The following RIC1 variants were observed in gnomAD, a reference collection of about 807,000 sequenced individuals.
RIC1 encodes guanine nucleotide exchange factor subunit RIC1.
In RIC1, 88 loss-of-function variants were observed where a neutral mutation model predicts 169.0. The observed-to-expected ratio is 0.52, with a 90% CI of 0.44 to 0.62. RIC1 has a LOEUF of 0.62. Ranked by LOEUF, RIC1 falls within the 20% of genes least tolerant of loss-of-function variation. RIC1 has a pLI of 0.00. For synonymous variants in RIC1, 790 were observed against 601.5 expected (o/e 1.31, Z -4.59); for missense variants, 1,877 against 1,725.5 (o/e 1.09, Z -1.56).
chr9:5,731,229 T>C (rs1459446249), intron 6 of RIC1, among the ~76,000 whole-genome samples: 1 of 152,074 alleles, frequency 6.6e-6, no homozygotes, highest in Non-Finnish European at 1.5e-5. Flanking sequence ...CCTAGAGCAG[T>C]GCCTGGTGAA....
rs1177035627 is a variant in RIC1, at chr9:5,775,736, T to A, written c.*1490T>A. 1 of 152,212 alleles carries A rather than the reference T, an allele frequency of 6.6e-6. No homozygotes were observed. The highest frequency in any genetic ancestry group is 1.5e-5 in the Non-Finnish European group (1 of 68,016). The allele number at this position is 152,212 out of a possible 1,614,324, so 9.4% of individuals were successfully genotyped here. A position where few individuals can be genotyped will look rare whatever the true frequency, so the allele number is the denominator to read the frequency against. On this transcript the variant is annotated 3_prime_UTR_variant, in exon 26 of 26. Transcript: ENST00000414202. ...GCTTAGTTCAGAATACATCGAAGTA[T>A]TTAAAATTACTGAGTTGGGTAATTT...
chr9:5,769,635 A>G, intron 22 of RIC1: 1 of 383,980 alleles, frequency 2.6e-6, no homozygotes, highest in Non-Finnish European at 4.6e-6. Flanking sequence ...CAGTAAGGCC[A>G]CCTTCTAAAC....
intron 17 of RIC1, among the ~76,000 whole-genome samples, chr9:5,758,533 G>C (rs1295791988): frequency 2.6e-5 from 4 of 152,032 alleles, no homozygotes; most frequent in Non-Finnish European, 5.9e-5. Context: ...CTTTGTAGAA[G>C]ACATTGTAAA....
chr9:5,759,422 G>C (rs986450452), intron 17 of RIC1, among the ~76,000 whole-genome samples: 2 of 152,170 alleles, frequency 1.3e-5, no homozygotes, highest in Non-Finnish European at 1.5e-5. Context: ...TCACTAACAT[G>C]GGGGAAGAAG....
At chr9:5,661,102 C>G (rs537793171) in intron 2 of RIC1, among the ~76,000 whole-genome samples, 62 of 152,222 alleles carry the variant, frequency 4.1e-4, no homozygotes, top group Middle Eastern at 3.4e-3. Context: ...AATCCTTTCC[C>G]CATTGCTTGT....
chr9:5,774,610 A>G lies in RIC1; in HGVS notation c.*364A>G, dbSNP rs1827476966. 5.8e-6 allele frequency: 1 copy of G among 171,234 alleles called. No individual in the cohort carries two copies. The highest frequency in any genetic ancestry group is 2.4e-5 in the African/African-American group (1 of 41,986). The allele number at this position is 171,234 out of a possible 1,614,324, so 10.6% of individuals were successfully genotyped here. A position where few individuals can be genotyped will look rare whatever the true frequency, so the allele number is the denominator to read the frequency against. Reference sequence around the variant, plus strand: ...TTCTCACATTTCCCGGTTCTGCATTATGTCCAGATTGCTTTTTAAAAAATA... The same window carrying G: ...TTCTCACATTTCCCGGTTCTGCATTGTGTCCAGATTGCTTTTTAAAAAATA... On this transcript the variant is annotated 3_prime_UTR_variant, in exon 26 of 26. Coordinates refer to ENST00000414202, the MANE Select transcript of RIC1 (RefSeq NM_020829.4).
chr9:5,772,491 C>A, intron 23 of RIC1, 73 bp from the exon 24 acceptor site: 1 of 1,222,528 alleles, frequency 8.2e-7, no homozygotes, highest in Non-Finnish European at 1.1e-6. Context: ...TGAGGAACAG[C>A]TAATATTTAA....
At chr9:5,633,279 C>A (rs911504250) in intron 1 of RIC1, among the ~76,000 whole-genome samples, 5 of 152,132 alleles carry the variant, frequency 3.3e-5, no homozygotes, top group African/African-American at 9.7e-5. Context: ...TTTGTATTTT[C>A]CCAGCATTCC....
At chr9:5,675,209 G>T (rs770296605) in intron 2 of RIC1, among the ~76,000 whole-genome samples, 7 of 152,144 alleles carry the variant, frequency 4.6e-5, no homozygotes, top group African/African-American at 1.7e-4. Context: ...GTGACTGGGC[G>T]AGTGGTTTGG....
In RIC1 at chr9:5,756,268, A is replaced by G. The variant is rs551689623; in HGVS notation, c.1749A>G (p.Lys583=). The G allele has an allele frequency of 3.1e-6, 5 of 1,605,074 alleles. No individual in the cohort carries two copies. Among genetic ancestry groups the G allele is most frequent in the Admixed American group, 3.4e-5 (2 of 59,604 alleles). The change falls in exon 16 of 26, where the codon AAA becomes AAG. Residue 583 remains lysine, a synonymous_variant. Transcript: ENST00000414202. Reference sequence around the variant, plus strand: ...ACAATGCCTTTGCTCATGTCACCAAAGCACAAGCAGAAACATTACTGCTTA... The same window carrying G: ...ACAATGCCTTTGCTCATGTCACCAAGGCACAAGCAGAAACATTACTGCTTA... ...NLDNAFAHVT[K]AQAETLLLSV...
intron 12 of RIC1, among the ~76,000 whole-genome samples, chr9:5,747,715 T>A (rs181302120): frequency 1.9e-3 from 296 of 152,346 alleles, no homozygotes; most frequent in African/African-American, 6.8e-3. Context: ...CCCACCTGTT[T>A]CAAGTCTATT....
At chr9:5,692,897 G>C (rs1018036764) in intron 3 of RIC1, among the ~76,000 whole-genome samples, 9 of 152,028 alleles carry the variant, frequency 5.9e-5, no homozygotes, top group African/African-American at 2.2e-4. Flanking sequence ...CTATGAGGTA[G>C]TTAGGTATAA....
intron 23 of RIC1, among the ~76,000 whole-genome samples, 192 bp downstream of exon 23, chr9:5,770,470 T>A (rs531289385): frequency 6.6e-6 from 1 of 152,230 alleles, no homozygotes; most frequent in Admixed American, 6.5e-5. Flanking sequence ...ATTTATTTTA[T>A]GTGAACAAAA....
Position 5,680,815 on chromosome 9 carries a change from ATTTTTTTTTTT to A in RIC1, c.253-9125_253-9115del, listed in dbSNP as rs66478510. Among the ~76,000 whole-genome samples, 470 of 57,772 alleles carry A rather than the reference ATTTTTTTTTTT, an allele frequency of 8.1e-3. 5 individuals carry two copies. Among genetic ancestry groups the A allele is most frequent in the African/African-American group, 0.024 (421 of 17,422 alleles). 37.9% of individuals were successfully genotyped at this position (57,772 alleles called of 152,430 possible). ...AGAACACCAGCTCCTGCAGTCATTG[ATTTTTTTTTTT>A]TTTTTTTTTTTTTTTTTTGAGACGG... On this transcript the variant is annotated intron_variant, in intron 2 of 25. Coordinates refer to ENST00000414202, the MANE Select transcript of RIC1 (RefSeq NM_020829.4).
chr9:5,632,745 T>G (rs1165954976), intron 1 of RIC1, among the ~76,000 whole-genome samples: 1 of 152,178 alleles, frequency 6.6e-6, no homozygotes, highest in Non-Finnish European at 1.5e-5. Context: ...GATTTATGAT[T>G]GACGTAGGTG....
At chr9:5,755,538 CTG>C (rs1462443157) in intron 15 of RIC1, among the ~76,000 whole-genome samples, 3 of 152,168 alleles carry the variant, frequency 2.0e-5, no homozygotes, top group Non-Finnish European at 4.4e-5. Flanking sequence ...ATAACTGAAA[CTG>C]TGAAGAGCAA....
intron 1 of RIC1, among the ~76,000 whole-genome samples, chr9:5,634,150 G>A (rs904477826): frequency 1.3e-5 from 2 of 152,136 alleles, no homozygotes; most frequent in African/African-American, 2.4e-5. Flanking sequence ...AGACACTTAG[G>A]TTGTTTCTGT....
intron 3 of RIC1, among the ~76,000 whole-genome samples, chr9:5,697,799 A>G (rs1821993669): frequency 6.6e-6 from 1 of 152,232 alleles, no homozygotes; most frequent in South Asian, 2.1e-4. Context: ...CATTTATTGT[A>G]TGCCTGCTAT....
Position 5,756,211 on chromosome 9 carries a change from G to A in RIC1, c.1693-1G>A. ...ATTTTCTTCATTTTTGTTTTCTTCA[G>A]CTTAGAGTATACTTGCGAACATCAA... On this transcript the variant is annotated splice_acceptor_variant, in intron 15 of 25. Transcript: ENST00000414202. LOFTEE classifies it high-confidence loss of function. The A allele has an allele frequency of 6.5e-7, 1 of 1,543,528 alleles. No homozygotes were observed. The highest frequency in any genetic ancestry group is 1.2e-5 in the South Asian group (1 of 80,194).
Sources: gnomAD v4.1 joint callset for allele counts (sites outside exome capture counted in the v4.1 genomes callset) on GRCh38, gnomAD v4.1.1 for gene constraint, MANE v1.5 for transcripts, NCBI Gene and HGNC (gene_info 2026-07-23, HGNC 2026-07-21) for gene names.